CA10: variants seen among roughly 807,000 people sequenced by gnomAD.
CA10 encodes carbonic anhydrase 10 (inactive).
CA10 carries 14 observed loss-of-function variants against 44.2 expected under a neutral mutation model. That is an observed-to-expected ratio of 0.32 (90% CI 0.21 to 0.50). The LOEUF (loss-of-function observed/expected upper bound fraction) is 0.50. Ranked by LOEUF, CA10 falls within the 20% of genes least tolerant of loss-of-function variation. CA10 has a pLI of 0.99. For missense variants in CA10, 350 were observed against 409.7 expected, an observed-to-expected ratio of 0.85 and a Z score of 1.26; for synonymous variants, 159 against 141.6, an observed-to-expected ratio of 1.12 and a Z score of -0.87.
chr17:51,910,593 CTAACTT>C (rs1981751817), intron 3 of CA10, among the ~76,000 whole-genome samples: 1 of 152,148 alleles, frequency 6.6e-6, no homozygotes, highest in African/African-American at 2.4e-5. Flanking sequence ...TAAAGTTCCT[CTAACTT>C]TATTACAAGT....
Position 52,125,471 on chromosome 17 carries a change from G to A in CA10, c.61+32255C>T, listed in dbSNP as rs78480085. Among the ~76,000 whole-genome samples the A allele has an allele frequency of 1.7e-3, 261 of 152,282 alleles. 1 individual carries two copies. The highest frequency in any genetic ancestry group is 5.7e-3 in the African/African-American group (235 of 41,558). On this transcript the variant is annotated intron_variant, in intron 1 of 8. Coordinates refer to ENST00000451037, the MANE Select transcript of CA10 (RefSeq NM_020178.5). ...CATCATGCATGCACAGTAGGCCTAA[G>A]AGCCAGAGAATTAGCTTAAAAGCAG...
At chr17:51,837,942 T>C (rs749778130) in intron 3 of CA10, among the ~76,000 whole-genome samples, 2 of 152,220 alleles carry the variant, frequency 1.3e-5, no homozygotes, top group Admixed American at 6.5e-5. Context: ...CATTTGTACA[T>C]TCTCAGACTC....
intron 1 of CA10, among the ~76,000 whole-genome samples, chr17:52,141,721 C>G (rs191707866): frequency 1.8e-4 from 28 of 152,136 alleles, no homozygotes; most frequent in Admixed American, 6.5e-4. Context: ...TTGCTGAGCT[C>G]TGGTCTGAGT....
chr17:51,668,532 A>G (rs567139913), intron 4 of CA10, among the ~76,000 whole-genome samples: 1 of 152,320 alleles, frequency 6.6e-6, no homozygotes, highest in East Asian at 1.9e-4. Flanking sequence ...CTGATTCTCA[A>G]ACACAGTCTA....
intron 3 of CA10, among the ~76,000 whole-genome samples, chr17:51,750,956 A>G (rs1460536712): frequency 6.6e-6 from 1 of 152,204 alleles, no homozygotes. Context: ...TGGGAAACAC[A>G]CTGGCACAAG....
chr17:51,903,772 A>G (rs940130076), intron 3 of CA10, among the ~76,000 whole-genome samples: 4 of 152,176 alleles, frequency 2.6e-5, no homozygotes, highest in African/African-American at 9.6e-5. Context: ...CAAGAACAAG[A>G]GAAGAGAGCT....
chr17:51,849,449 C>G (rs566978798), intron 3 of CA10, among the ~76,000 whole-genome samples: 26 of 151,634 alleles, frequency 1.7e-4, no homozygotes, highest in Non-Finnish European at 3.4e-4. Flanking sequence ...ACCTAGAACC[C>G]CTTTGAGTGC....
chr17:51,808,421 GCT>G (rs1491511948), intron 3 of CA10, among the ~76,000 whole-genome samples: 4 of 152,072 alleles, frequency 2.6e-5, no homozygotes, highest in Non-Finnish European at 5.9e-5. Context: ...AGTACGTATA[GCT>G]TTTTTTCCTT....
At chr17:52,027,553 C>T (rs1037578820) in intron 2 of CA10, among the ~76,000 whole-genome samples, 1 of 152,130 alleles carries the variant, frequency 6.6e-6, no homozygotes, top group Non-Finnish European at 1.5e-5. Flanking sequence ...GGAAAGACGA[C>T]ATGCACATAG....
intron 3 of CA10, among the ~76,000 whole-genome samples, chr17:51,849,233 GTATATATATATA>G (rs1217693250): frequency 1.5e-4 from 6 of 39,898 alleles, no homozygotes; most frequent in East Asian, 5.9e-4. Context: ...ATATGTGTGT[GTATATATATATA>G]TATATATATA....
intron 4 of CA10, among the ~76,000 whole-genome samples, chr17:51,677,024 T>A (rs936389684): frequency 1.3e-5 from 2 of 152,168 alleles, no homozygotes; most frequent in Non-Finnish European, 2.9e-5. Flanking sequence ...CTTTTTCTGC[T>A]GTCAGGAAGT....
chr17:51,748,421 A>T, intron 3 of CA10: 1 of 943,552 alleles, frequency 1.1e-6, no homozygotes, highest in Non-Finnish European at 1.3e-6. Flanking sequence ...AGATTCCTAG[A>T]CTTACTCCTT....
intron 2 of CA10, among the ~76,000 whole-genome samples, chr17:51,984,993 G>A (rs1183623357): frequency 1.3e-5 from 2 of 151,926 alleles, no homozygotes. Flanking sequence ...GAGAAAGAAG[G>A]AAATCTCCAT....
intron 3 of CA10, among the ~76,000 whole-genome samples, chr17:51,765,552 C>T (rs1457594914): frequency 2.0e-5 from 3 of 152,154 alleles, no homozygotes; most frequent in Non-Finnish European, 4.4e-5. Flanking sequence ...TATTGTCTTT[C>T]AGGGACAATA....
chr17:51,845,856 C>G (rs995203984), intron 3 of CA10, among the ~76,000 whole-genome samples: 5 of 152,116 alleles, frequency 3.3e-5, no homozygotes, highest in Admixed American at 1.3e-4. Flanking sequence ...GTTTTATTAC[C>G]TTAGATATTT....
chr17:52,074,161 C>T (rs1987757700), intron 1 of CA10, among the ~76,000 whole-genome samples: 3 of 152,106 alleles, frequency 2.0e-5, no homozygotes, highest in Non-Finnish European at 2.9e-5. Flanking sequence ...TAATGGCCCT[C>T]TTATGAAACA....
At chr17:51,777,106 G>T (rs1473090547) in intron 3 of CA10, among the ~76,000 whole-genome samples, 1 of 152,188 alleles carries the variant, frequency 6.6e-6, no homozygotes, top group African/African-American at 2.4e-5. Flanking sequence ...AAAAGAGAGA[G>T]AAATCAAATA....
At chr17:51,874,979 C>CTTTTCTT (rs1980000619) in intron 3 of CA10, among the ~76,000 whole-genome samples, 1 of 141,368 alleles carries the variant, frequency 7.1e-6, no homozygotes, top group Non-Finnish European at 1.6e-5. Context: ...CTTTTCTTTT[C>CTTTTCTT]TTTTCTTTTC....
chr17:52,126,851 T>C (rs973093943), intron 1 of CA10, among the ~76,000 whole-genome samples: 17 of 152,298 alleles, frequency 1.1e-4, no homozygotes, highest in Non-Finnish European at 2.5e-4. Flanking sequence ...GATTAATACA[T>C]AAAAATAAAC....
Sources: gnomAD v4.1 joint callset for allele counts (sites outside exome capture counted in the v4.1 genomes callset) on GRCh38, gnomAD v4.1.1 for gene constraint, MANE v1.5 for transcripts, NCBI Gene and HGNC (gene_info 2026-07-23, HGNC 2026-07-21) for gene names.